AIM2: variants seen among roughly 807,000 people sequenced by gnomAD.
AIM2 encodes absent in melanoma 2.
In AIM2, 30 loss-of-function variants were observed where a neutral mutation model predicts 27.7. The observed-to-expected ratio is 1.08, with a 90% CI of 0.81 to 1.47. The LOEUF (loss-of-function observed/expected upper bound fraction) is 1.47. AIM2 is among the 40% of genes most tolerant of loss of function. The pLI, the probability that AIM2 is intolerant of heterozygous loss-of-function variation, is 0.00. For missense variants in AIM2, 358 were observed against 411.3 expected, an observed-to-expected ratio of 0.87 and a Z score of 1.12; for synonymous variants, 141 against 145.3, an observed-to-expected ratio of 0.97 and a Z score of 0.21.
At chr1:159,079,641 G>A (rs1656726676), upstream of AIM2, among the ~76,000 whole-genome samples, 1 of 152,054 alleles carries the variant, frequency 6.6e-6, no homozygotes, top group Admixed American at 6.6e-5. Context: ...CCTCACACAT[G>A]CACAGCCTCC....
intron 1 of AIM2, among the ~76,000 whole-genome samples, chr1:159,097,403 C>A (rs754643841): frequency 4.6e-5 from 7 of 152,120 alleles, no homozygotes; most frequent in Non-Finnish European, 8.8e-5. Flanking sequence ...TCCTTCCAGT[C>A]CCCTCACCTC....
upstream of AIM2, among the ~76,000 whole-genome samples, chr1:159,142,360 G>T (rs774753858): frequency 6.6e-6 from 1 of 152,176 alleles, no homozygotes; most frequent in Non-Finnish European, 1.5e-5. Context: ...ACAGTGTTCA[G>T]TGTGTGTGTT....
At chr1:159,119,163 C>T (rs898518589) in intron 1 of AIM2, among the ~76,000 whole-genome samples, 16 of 151,944 alleles carry the variant, frequency 1.1e-4, no homozygotes, top group South Asian at 6.2e-4. Context: ...TGAATCGGAA[C>T]GCTTGTAACC....
At chr1:159,069,786 G>A (rs994547439) in intron 2 of AIM2, among the ~76,000 whole-genome samples, 4 of 151,974 alleles carry the variant, frequency 2.6e-5, no homozygotes, top group South Asian at 2.1e-4. Context: ...CTCGTGATGC[G>A]CCCACCTCAG....
chr1:159,101,667 T>C (rs963369089), intron 1 of AIM2, among the ~76,000 whole-genome samples: 7 of 152,170 alleles, frequency 4.6e-5, no homozygotes, highest in Admixed American at 1.3e-4. Flanking sequence ...CAGGCTGAGG[T>C]GGTCTCAGAT....
chr1:159,109,928 G>A (rs1657529719), intron 1 of AIM2, among the ~76,000 whole-genome samples: 1 of 152,168 alleles, frequency 6.6e-6, no homozygotes, highest in Non-Finnish European at 1.5e-5. Context: ...CATGGAAGTG[G>A]TGAACAGGGA....
At chr1:159,108,148 T>C (rs748868210) in intron 1 of AIM2, among the ~76,000 whole-genome samples, 20 of 152,092 alleles carry the variant, frequency 1.3e-4, no homozygotes, top group Admixed American at 4.6e-4. Context: ...GATCCTAAAA[T>C]CCTTAACAAA....
intron 1 of AIM2, among the ~76,000 whole-genome samples, chr1:159,086,145 C>T (rs531166732): frequency 2.0e-5 from 3 of 152,176 alleles, no homozygotes; most frequent in Non-Finnish European, 1.5e-5. Flanking sequence ...TTTGCTTCCA[C>T]CAGATTTTAC....
intron 1 of AIM2, among the ~76,000 whole-genome samples, chr1:159,132,709 G>C (rs951947032): frequency 6.6e-6 from 1 of 152,116 alleles, no homozygotes; most frequent in Non-Finnish European, 1.5e-5. Flanking sequence ...AAACATTGGC[G>C]AGCTGGACAT....
chr1:159,096,935 T>C (rs924840597), intron 1 of AIM2, among the ~76,000 whole-genome samples: 1 of 152,112 alleles, frequency 6.6e-6, no homozygotes, highest in Non-Finnish European at 1.5e-5. Context: ...TGTCACCTGC[T>C]TGTGATCTAG....
chr1:159,086,032 T>G (rs1048967751), intron 1 of AIM2, among the ~76,000 whole-genome samples: 12 of 152,214 alleles, frequency 7.9e-5, no homozygotes, highest in African/African-American at 2.7e-4. Context: ...ATTTGTTGAT[T>G]ATACCTCAAT....
At chr1:159,122,239 A>T (rs1469818593) in intron 1 of AIM2, 1 of 152,198 alleles carries the variant, frequency 6.6e-6, no homozygotes, top group Non-Finnish European at 1.5e-5. Flanking sequence ...TTTTGCTCAC[A>T]TTCCAGTCGG....
chr1:159,086,845 G>T (rs893277450), intron 1 of AIM2, among the ~76,000 whole-genome samples: 3 of 152,146 alleles, frequency 2.0e-5, no homozygotes, highest in African/African-American at 7.2e-5. Context: ...CAAAGTAACT[G>T]AAAGAAAGAA....
downstream of AIM2, among the ~76,000 whole-genome samples, chr1:159,059,746 T>TG (rs1179907375): frequency 3.9e-5 from 6 of 152,150 alleles, no homozygotes; most frequent in African/African-American, 1.4e-4. Flanking sequence ...CCCTTTGAAC[T>TG]GTACTTCCTA....
At chr1:159,056,637 G>A in the AIM2 span, among the ~76,000 whole-genome samples, 1 of 149,668 alleles carries the variant, frequency 6.7e-6, no homozygotes, top group South Asian at 2.1e-4. Flanking sequence ...TCTAAACAAG[G>A]GGAGGGGTAA....
At chr1:159,146,520 C>G (rs1648210757) in intron 1 of AIM2, among the ~76,000 whole-genome samples, 1 of 152,158 alleles carries the variant, frequency 6.6e-6, no homozygotes, top group Non-Finnish European at 1.5e-5. Context: ...TCTGTCCACG[C>G]CTTTGCTCAT....
rs536524196 is a variant in AIM2, at chr1:159,084,082, T to C, written c.-15-17753A>G. ...TGGTAAATATATTAATTGAAACCCA[T>C]AAGTGAGGGAACAGAGTTTAAAGAA... On this transcript the variant is annotated intron_variant, in intron 1 of 2. Coordinates refer to the AIM2 transcript ENST00000368129. 6.6e-5 allele frequency among the ~76,000 whole-genome samples: 10 copies of C among 152,268 alleles called. No individual in the cohort carries two copies. The South Asian group carries it at 2.1e-3, about 32-fold the overall frequency.
downstream of AIM2, among the ~76,000 whole-genome samples, chr1:159,060,297 G>A (rs1013787900): frequency 1.3e-5 from 2 of 151,970 alleles, no homozygotes; most frequent in Non-Finnish European, 2.9e-5. Context: ...TCTCTTTAAA[G>A]TTTCATCTTT....
At chr1:159,133,229 T>G (rs1228850154) in intron 1 of AIM2, among the ~76,000 whole-genome samples, 1 of 152,050 alleles carries the variant, frequency 6.6e-6, no homozygotes, top group Non-Finnish European at 1.5e-5. Context: ...CCAATAGCTT[T>G]CACAGAAACT....
Sources: gnomAD v4.1 joint callset for allele counts (sites outside exome capture counted in the v4.1 genomes callset) on GRCh38, gnomAD v4.1.1 for gene constraint, MANE v1.5 for transcripts, NCBI Gene and HGNC (gene_info 2026-07-23, HGNC 2026-07-21) for gene names.